COL22A1: variants seen among roughly 807,000 people sequenced by gnomAD.
COL22A1 encodes collagen type XXII alpha 1 chain.
COL22A1 carries 221 observed loss-of-function variants against 248.9 expected under a neutral mutation model. The observed-to-expected ratio is 0.89, with a 90% CI of 0.80 to 0.99. The LOEUF is 0.99. Ranked by LOEUF, COL22A1 falls within the 50% of genes least tolerant of loss-of-function variation. COL22A1 has a pLI of 0.00. For missense variants in COL22A1, 2,240 were observed against 2,179.0 expected, an observed-to-expected ratio of 1.03 and a Z score of -0.56; for synonymous variants, 891 against 793.4, an observed-to-expected ratio of 1.12 and a Z score of -2.07.
At chr8:138,735,302 C>T (rs928091090) in intron 23 of COL22A1, among the ~76,000 whole-genome samples, 1 of 152,182 alleles carries the variant, frequency 6.6e-6, no homozygotes, top group Admixed American at 6.5e-5. Context: ...GTACATACTG[C>T]AAATGCTATA....
chr8:138,813,395 TC>T (rs1818407417), intron 7 of COL22A1, among the ~76,000 whole-genome samples: 4 of 152,174 alleles, frequency 2.6e-5, no homozygotes, highest in Admixed American at 6.5e-5. Context: ...ATAAGGGGTT[TC>T]CCCTTTTTCT....
intron 3 of COL22A1, among the ~76,000 whole-genome samples, chr8:138,875,248 T>C (rs1823626258): frequency 6.6e-6 from 1 of 152,086 alleles, no homozygotes; most frequent in African/African-American, 2.4e-5. Flanking sequence ...TCTGGAGGCA[T>C]GGGGGAGAGG....
intron 62 of COL22A1, among the ~76,000 whole-genome samples, chr8:138,596,058 A>T (rs1199299605): frequency 6.6e-6 from 1 of 152,162 alleles, no homozygotes; most frequent in Non-Finnish European, 1.5e-5. Context: ...GCTTCTAACA[A>T]TTCTTACAAT....
chr8:138,903,731 T>C (rs1814791132), intron 1 of COL22A1, among the ~76,000 whole-genome samples: 1 of 152,314 alleles, frequency 6.6e-6, no homozygotes, highest in African/African-American at 2.4e-5. Context: ...CATGGAAGAA[T>C]ACCCTGCTTT....
intron 1 of COL22A1, among the ~76,000 whole-genome samples, chr8:138,901,117 A>G (rs1471799047): frequency 6.6e-6 from 1 of 151,930 alleles, no homozygotes; most frequent in African/African-American, 2.4e-5. Flanking sequence ...TTTACTTCAC[A>G]GCTAGCATGT....
chr8:138,854,102 G>C (rs1472689513), intron 3 of COL22A1, among the ~76,000 whole-genome samples: 1 of 152,184 alleles, frequency 6.6e-6, no homozygotes, highest in Non-Finnish European at 1.5e-5. Flanking sequence ...GGATGATGGT[G>C]CAAGGGTGTC....
intron 16 of COL22A1, among the ~76,000 whole-genome samples, chr8:138,774,807 G>A (rs1403065140): frequency 4.6e-5 from 7 of 152,220 alleles, no homozygotes; most frequent in Non-Finnish European, 1.0e-4. Context: ...TATTCACTCA[G>A]TGGAACGCTG....
intron 37 of COL22A1, 70 bp from the exon 38 acceptor site, chr8:138,685,382 C>A: frequency 7.7e-7 from 1 of 1,294,628 alleles, no homozygotes; most frequent in Non-Finnish European, 1.1e-6. Context: ...GGGGGAGCAG[C>A]TTGAGTAGGT....
chr8:138,811,766 C>T, intron 9 of COL22A1, 33 bp downstream of exon 9: 1 of 1,611,542 alleles, frequency 6.2e-7, no homozygotes, highest in Non-Finnish European at 8.5e-7. Context: ...ACCCAGGGTT[C>T]TGCTGGGGCT....
chr8:138,907,106 C>T (rs1161311215), intron 1 of COL22A1, among the ~76,000 whole-genome samples: 5 of 152,210 alleles, frequency 3.3e-5, no homozygotes, highest in Non-Finnish European at 7.3e-5. Flanking sequence ...GGCATGTTCT[C>T]CTCCCAGGGA....
intron 43 of COL22A1, among the ~76,000 whole-genome samples, chr8:138,661,023 T>G (rs1367162709): frequency 5.6e-5 from 2 of 35,742 alleles, no homozygotes; most frequent in African/African-American, 1.5e-4. Context: ...CACACGCACA[T>G]ACACACACAT....
intron 1 of COL22A1, among the ~76,000 whole-genome samples, chr8:138,903,805 T>C (rs189406123): frequency 1.2e-4 from 19 of 152,268 alleles, no homozygotes; most frequent in Admixed American, 1.1e-3. Context: ...CCCTGGATGC[T>C]GGAATTTGAC....
At chr8:138,685,084 C>G (rs1410991953) in intron 38 of COL22A1, 124 bp downstream of exon 38, 1 of 717,918 alleles carries the variant, frequency 1.4e-6, no homozygotes, top group Non-Finnish European at 2.4e-6. Context: ...CCTTTCCCAA[C>G]CAGGCCCATT....
intron 56 of COL22A1, among the ~76,000 whole-genome samples, chr8:138,611,264 C>G (rs1818837918): frequency 6.6e-6 from 1 of 152,326 alleles, no homozygotes; most frequent in African/African-American, 2.4e-5. Flanking sequence ...CACTGGATTA[C>G]CTTGCTGGAT....
chr8:138,649,796 G>T lies in COL22A1; in HGVS notation c.3334-18C>A, dbSNP rs1166201620. The T allele has an allele frequency of 2.0e-6, 3 of 1,477,144 alleles. No homozygotes were observed. Among genetic ancestry groups the T allele is most frequent in the Non-Finnish European group, 2.8e-6 (3 of 1,089,110 alleles). 91.5% of individuals were successfully genotyped at this position (1,477,144 alleles called of 1,614,324 possible). A position where few individuals can be genotyped will look rare whatever the true frequency, so the allele number is the denominator to read the frequency against. On this transcript the variant is annotated intron_variant, in intron 45 of 64. Coordinates refer to ENST00000303045, the MANE Select transcript of COL22A1 (RefSeq NM_152888.3). ...CACACATCCTGAGAGTGGGGAGAGA[G>T]GTGGGGACAAAGAGAGAATAACTAG...
intron 3 of COL22A1, among the ~76,000 whole-genome samples, chr8:138,876,237 C>T (rs1027640046): frequency 2.0e-5 from 3 of 152,160 alleles, no homozygotes; most frequent in South Asian, 2.1e-4. Context: ...CCCACTCCAT[C>T]GCATCCTTCT....
At chr8:138,724,790 A>G (rs1563671702) in intron 24 of COL22A1, 122 bp from the exon 25 acceptor site, 4 of 878,066 alleles carry the variant, frequency 4.6e-6, no homozygotes, top group Admixed American at 1.9e-5. Flanking sequence ...TGGGGCCTCT[A>G]CTGTCCTTGG....
chr8:138,663,732 G>C lies in COL22A1; in HGVS notation c.3159C>G (p.Ser1053=), dbSNP rs374029718. The change falls in exon 42 of 65, where the codon TCC becomes TCG. Residue 1053 remains serine (S), a synonymous_variant. Transcript: ENST00000303045. ...GGGATCCTTTGTCTCCTGGTGGTCC[G>C]GAAGGGCCCTAGAAACAAACAAACA... ...GIGVAGPPGP[S]GPPGDKGSPG... is the part of the protein sequence containing the mutation. 1 of 1,610,506 alleles carries C rather than the reference G, an allele frequency of 6.2e-7. No individual in the cohort carries two copies. Among genetic ancestry groups the C allele is most frequent in the African/African-American group, 1.3e-5 (1 of 74,796 alleles).
At chr8:138,807,625 G>A (rs1218417558) in intron 10 of COL22A1, 143 bp downstream of exon 10, 2 of 724,712 alleles carry the variant, frequency 2.8e-6, no homozygotes, top group Non-Finnish European at 4.6e-6. Context: ...TATGACATTT[G>A]CTCTTATCCA....
Sources: allele counts gnomAD v4.1 joint callset (sites outside exome capture counted in the v4.1 genomes callset), GRCh38; gene constraint gnomAD v4.1.1; transcripts MANE v1.5; gene names NCBI Gene and HGNC (gene_info 2026-07-23, HGNC 2026-07-21).